CSNK2A2IP: variants seen among roughly 807,000 people sequenced by gnomAD.
CSNK2A2IP encodes casein kinase II subunit alpha'-interacting protein.
the CSNK2A2IP span, among the ~76,000 whole-genome samples, chr3:88,456,455 A>AT: frequency 9.2e-4 from 140 of 152,010 alleles, no homozygotes; most frequent in African/African-American, 2.8e-3. Context: ...GTTTCATGCT[A>AT]TTGTAAATGC....
At chr3:88,423,674 A>G in the CSNK2A2IP span, among the ~76,000 whole-genome samples, 1 of 152,116 alleles carries the variant, frequency 6.6e-6, no homozygotes, top group African/African-American at 2.4e-5. Flanking sequence ...CCCCACTCTT[A>G]CCTTGCACTC....
At chr3:88,375,254 C>T in the CSNK2A2IP span, among the ~76,000 whole-genome samples, 1 of 151,656 alleles carries the variant, frequency 6.6e-6, no homozygotes. Context: ...TTTTACCATC[C>T]TTTTTTGAAC....
the CSNK2A2IP span, among the ~76,000 whole-genome samples, chr3:88,379,660 C>T: frequency 6.6e-6 from 1 of 152,036 alleles, no homozygotes; most frequent in Non-Finnish European, 1.5e-5. Flanking sequence ...TACAAACCCA[C>T]TCAGTTTAAA....
the CSNK2A2IP span, among the ~76,000 whole-genome samples, chr3:88,398,102 T>C: frequency 6.6e-6 from 1 of 152,092 alleles, no homozygotes; most frequent in Non-Finnish European, 1.5e-5. Context: ...CTCAGAGAAA[T>C]ATGCTGAATT....
chr3:88,452,685 T>C, the CSNK2A2IP span, among the ~76,000 whole-genome samples: 1 of 152,150 alleles, frequency 6.6e-6, no homozygotes, highest in Non-Finnish European at 1.5e-5. Flanking sequence ...AGCTCAGTTC[T>C]GGAAATAGTA....
At chr3:88,428,331 A>G in the CSNK2A2IP span, among the ~76,000 whole-genome samples, 1 of 152,198 alleles carries the variant, frequency 6.6e-6, no homozygotes, top group Non-Finnish European at 1.5e-5. Flanking sequence ...GCCTTGTCTC[A>G]GATGAGACTT....
chr3:88,449,323 A>G, the CSNK2A2IP span, among the ~76,000 whole-genome samples: 14 of 152,154 alleles, frequency 9.2e-5, 1 homozygote, highest in African/African-American at 3.4e-4. Context: ...AATGCTCATG[A>G]TTTTAAACAT....
the CSNK2A2IP span, among the ~76,000 whole-genome samples, chr3:88,404,965 C>G: frequency 6.6e-6 from 1 of 152,152 alleles, no homozygotes; most frequent in South Asian, 2.1e-4. Context: ...AATATCTGAT[C>G]AGGCTCTTCA....
At chr3:88,349,927 G>A in the CSNK2A2IP span, among the ~76,000 whole-genome samples, 2 of 152,026 alleles carry the variant, frequency 1.3e-5, no homozygotes, top group African/African-American at 4.8e-5. Context: ...TCAGTTTGAT[G>A]CATCACTTCT....
chr3:88,383,651 C>CTTTTTTTTTTTTTT, the CSNK2A2IP span, among the ~76,000 whole-genome samples: 3 of 88,544 alleles, frequency 3.4e-5, no homozygotes, highest in East Asian at 4.0e-4. Flanking sequence ...TCTTTTCTTT[C>CTTTTTTTTTTTTTT]TTTTTTTTTT....
chr3:88,430,147 A>G, the CSNK2A2IP span, among the ~76,000 whole-genome samples: 2 of 152,132 alleles, frequency 1.3e-5, no homozygotes, highest in African/African-American at 4.8e-5. Context: ...CTATTGCTTT[A>G]CATGCATGAT....
the CSNK2A2IP span, among the ~76,000 whole-genome samples, chr3:88,397,384 C>A: frequency 2.0e-5 from 3 of 152,122 alleles, no homozygotes; most frequent in African/African-American, 7.2e-5. Context: ...AGATGCTGCA[C>A]TTGTAACATT....
chr3:88,410,035 T>C, the CSNK2A2IP span, among the ~76,000 whole-genome samples: 4 of 152,036 alleles, frequency 2.6e-5, no homozygotes, highest in African/African-American at 9.7e-5. Context: ...AGCTGAGAAA[T>C]CCTAGCTGGA....
At chr3:88,407,914 G>A in the CSNK2A2IP span, among the ~76,000 whole-genome samples, 1 of 151,924 alleles carries the variant, frequency 6.6e-6, no homozygotes, top group East Asian at 1.9e-4. Context: ...AATAGAGACG[G>A]GTTTCACCAT....
chr3:88,360,817 T>C, the CSNK2A2IP span, among the ~76,000 whole-genome samples: 1 of 151,546 alleles, frequency 6.6e-6, no homozygotes, highest in African/African-American at 2.4e-5. Flanking sequence ...TTTAATTTTT[T>C]GGTTTTTTTT....
the CSNK2A2IP span, chr3:88,465,473 A>G: frequency 7.3e-6 from 9 of 1,231,610 alleles, no homozygotes; most frequent in African/African-American, 1.1e-4. Flanking sequence ...AATCAATTCA[A>G]TAACCAACCT....
At chr3:88,348,375 C>G in the CSNK2A2IP span, among the ~76,000 whole-genome samples, 2 of 152,030 alleles carry the variant, frequency 1.3e-5, no homozygotes, top group Non-Finnish European at 2.9e-5. Flanking sequence ...ATGGGTCAGA[C>G]AGTTTCGAAA....
the CSNK2A2IP span, among the ~76,000 whole-genome samples, chr3:88,373,391 A>G: frequency 6.6e-6 from 1 of 151,550 alleles, no homozygotes; most frequent in East Asian, 1.9e-4. Flanking sequence ...AATGGATTAA[A>G]GAAGAAATAA....
At chr3:88,430,053 G>A in the CSNK2A2IP span, among the ~76,000 whole-genome samples, 1 of 151,958 alleles carries the variant, frequency 6.6e-6, no homozygotes. Flanking sequence ...GAGCCACTGC[G>A]CCCGGCCGAG....
Sources: gnomAD v4.1 joint callset for allele counts (sites outside exome capture counted in the v4.1 genomes callset) on GRCh38, gnomAD v4.1.1 for gene constraint, MANE v1.5 for transcripts, NCBI Gene and HGNC (gene_info 2026-07-23, HGNC 2026-07-21) for gene names.